The following GALNT18 variants were observed in gnomAD, a reference collection of about 807,000 sequenced individuals.
The protein encoded by GALNT18 is polypeptide N-acetylgalactosaminyltransferase 18.
GALNT18 carries 44 observed loss-of-function variants against 69.5 expected under a neutral mutation model. That is an observed-to-expected ratio of 0.63 (90% CI 0.50 to 0.81). The LOEUF (loss-of-function observed/expected upper bound fraction) is 0.81. Among genes scored for constraint, GALNT18 ranks in the 40% least tolerant of loss-of-function variants. GALNT18 has a pLI of 0.00. For missense variants in GALNT18, 715 were observed against 810.0 expected (o/e 0.88, Z 1.42); for synonymous variants, 364 against 318.2 (o/e 1.14, Z -1.53).
At chr11:11,293,269 C>T in intron 9 of GALNT18, 76 bp from the exon 10 acceptor site, 1 of 1,231,356 alleles carries the variant, frequency 8.1e-7, no homozygotes. Context: ...GGTGATTCTT[C>T]CAGGCAGCTG....
intron 3 of GALNT18, among the ~76,000 whole-genome samples, chr11:11,394,797 A>G (rs1184384930): frequency 6.6e-6 from 1 of 152,122 alleles, no homozygotes; most frequent in African/African-American, 2.4e-5. Context: ...CTGATTCTTG[A>G]TCCCTTCCTG....
At position 11,415,249 on chromosome 11, in the gene GALNT18, A is replaced by G. The variant is rs762666376; in HGVS notation, c.595+17372T>C. On this transcript the variant is annotated intron_variant, in intron 3 of 10. Coordinates refer to ENST00000227756, the MANE Select transcript of GALNT18 (RefSeq NM_198516.3). This position sits in a 1 kb window ranked among gnomAD's most constrained non-coding sequence, Gnocchi z 4.1. ...ATTGGGGACCTTAATTACGTCAGCC[A>G]ATTCCCCTCACAGCAGGACTCAGAT... Among the ~76,000 whole-genome samples, 9 of 152,162 alleles carry G rather than the reference A, an allele frequency of 5.9e-5. No homozygotes were observed. The highest frequency in any genetic ancestry group is 1.2e-4 in the Non-Finnish European group (8 of 68,034).
intron 6 of GALNT18, among the ~76,000 whole-genome samples, chr11:11,349,287 T>C (rs1456680206): frequency 1.3e-5 from 2 of 152,082 alleles, no homozygotes; most frequent in Non-Finnish European, 2.9e-5. Context: ...TGCACGAGAG[T>C]GGGCAGGCCT....
intron 1 of GALNT18, among the ~76,000 whole-genome samples, chr11:11,462,899 C>G (rs1856076987): frequency 6.6e-6 from 1 of 152,084 alleles, no homozygotes; most frequent in Admixed American, 6.5e-5. Flanking sequence ...GCAATCTGCT[C>G]AAAGAACAAG....
Position 11,432,917 on chromosome 11 carries a change from T to A in GALNT18, c.429-130A>T. 1.3e-6 allele frequency: 1 copy of A among 773,658 alleles called. No homozygotes were observed. The highest frequency in any genetic ancestry group is 1.8e-5 in the South Asian group (1 of 54,378). The allele number at this position is 773,658 out of a possible 1,614,324, so 47.9% of individuals were successfully genotyped here. A position where few individuals can be genotyped will look rare whatever the true frequency, so the allele number is the denominator to read the frequency against. ...TCCAGATTCTTCCAAGGGCCCCTTC[T>A]TTGATGCACTTAAGATGAGCCCTAA... On this transcript the variant is annotated intron_variant, in intron 2 of 10. Transcript: ENST00000227756. This position sits in a 1 kb window ranked among gnomAD's most constrained non-coding sequence, Gnocchi z 5.8.
rs146712144 is a variant in GALNT18 at position 11,613,127 on chromosome 11, G to A, written c.235+8232C>T. 6.0e-4 allele frequency among the ~76,000 whole-genome samples: 92 copies of A among 152,294 alleles called. No individual in the cohort carries two copies. Among genetic ancestry groups the A allele is most frequent in the African/African-American group, 2.1e-3 (89 of 41,560 alleles). ...CTCAGTACTGCATCCCCACTGGGAC[G>A]AACTGTCTAGCAACATATTTTAATC... On this transcript the variant is annotated intron_variant, in intron 1 of 10. Transcript: ENST00000227756. This position sits in a 1 kb window ranked among gnomAD's most constrained non-coding sequence, Gnocchi z 4.2.
At chr11:11,446,164 A>G (rs75263666) in intron 2 of GALNT18, among the ~76,000 whole-genome samples, 3,353 of 152,278 alleles carry the variant, frequency 0.022, 95 homozygotes, top group African/African-American at 0.07. Flanking sequence ...TCCGCTCTTC[A>G]GTTTCCTCAA....
At chr11:11,559,599 A>G (rs891818398) in intron 1 of GALNT18, among the ~76,000 whole-genome samples, 17 of 150,500 alleles carry the variant, frequency 1.1e-4, no homozygotes, top group African/African-American at 4.2e-4. Flanking sequence ...AGGATGGGAT[A>G]GGATGGGATG....
At chr11:11,566,149 G>A (rs533762397) in intron 1 of GALNT18, among the ~76,000 whole-genome samples, 14 of 152,278 alleles carry the variant, frequency 9.2e-5, no homozygotes, top group African/African-American at 3.4e-4. Flanking sequence ...ATTAGATACT[G>A]GATTACACAA....
rs938585613 is a variant in GALNT18, at chr11:11,621,046, C to T, written c.235+313G>A. Among the ~76,000 whole-genome samples the T allele has an allele frequency of 2.0e-5, 3 of 152,198 alleles. No individual in the cohort carries two copies. The highest frequency in any genetic ancestry group is 4.4e-5 in the Non-Finnish European group (3 of 68,026). The stretch of plus-strand genomic sequence containing the variant: ...GGACTTGTGTGCGATCCCGAGAGCC[C>T]GCGAGCAACCAGCCCAGAGTCACAC... On this transcript the variant is annotated intron_variant, in intron 1 of 10. Transcript: ENST00000227756. This position sits in a 1 kb window ranked among gnomAD's most constrained non-coding sequence, Gnocchi z 9.3.
At chr11:11,437,017 C>T (rs1010329268) in intron 2 of GALNT18, among the ~76,000 whole-genome samples, 7 of 152,240 alleles carry the variant, frequency 4.6e-5, no homozygotes, top group Non-Finnish European at 1.0e-4. Flanking sequence ...GCCACCCACA[C>T]ACTCTGCTCC....
intron 1 of GALNT18, among the ~76,000 whole-genome samples, chr11:11,477,511 C>T (rs567997741): frequency 6.6e-6 from 1 of 152,334 alleles, no homozygotes; most frequent in African/African-American, 2.4e-5. Context: ...GCCCTCCACA[C>T]CTTTCCTCTC....
chr11:11,344,785 G>A (rs902560115), intron 6 of GALNT18, among the ~76,000 whole-genome samples: 9 of 152,256 alleles, frequency 5.9e-5, no homozygotes, highest in East Asian at 1.9e-4. Context: ...AGGAAGCAAA[G>A]ACACCCTGAA....
Position 11,582,082 on chromosome 11 carries a change from G to A in GALNT18, c.235+39277C>T, listed in dbSNP as rs1859101590. Among the ~76,000 whole-genome samples, 1 of 152,040 alleles carries A rather than the reference G, an allele frequency of 6.6e-6. No individual in the cohort carries two copies. The highest frequency in any genetic ancestry group is 6.6e-5 in the Admixed American group (1 of 15,262). On this transcript the variant is annotated intron_variant, in intron 1 of 10. Coordinates refer to ENST00000227756, the MANE Select transcript of GALNT18 (RefSeq NM_198516.3). This position sits in a 1 kb window ranked among gnomAD's most constrained non-coding sequence, Gnocchi z 5.0. ...TTAGGAAAAACCAAGCAGAGGCAGT[G>A]GGAAAGAGTAGAATGGGCTGCTAGG...
Position 11,347,140 on chromosome 11 carries a change from C to T in GALNT18, c.1093-6136G>A, listed in dbSNP as rs993982973. Reference sequence around the variant, plus strand: ...GCCTCCTGCTCCCAAGCCTCAATTTCCCCCAGCTGCCAAATGGGGGAGCTG... The same window carrying T: ...GCCTCCTGCTCCCAAGCCTCAATTTTCCCCAGCTGCCAAATGGGGGAGCTG... On this transcript the variant is annotated intron_variant, in intron 6 of 10. Transcript: ENST00000227756. This position sits in a 1 kb window ranked among gnomAD's most constrained non-coding sequence, Gnocchi z 4.0. Among the ~76,000 whole-genome samples the T allele has an allele frequency of 3.3e-5, 5 of 152,120 alleles. No individual in the cohort carries two copies. Among genetic ancestry groups the T allele is most frequent in the African/African-American group, 1.2e-4 (5 of 41,418 alleles).
intron 10 of GALNT18, among the ~76,000 whole-genome samples, chr11:11,284,908 G>GTTTTTTTTTTTTTTT (rs58795517): frequency 1.2e-4 from 10 of 82,822 alleles, no homozygotes; most frequent in African/African-American, 2.4e-4. Context: ...AGACTTTCGT[G>GTTTTTTTTTTTTTTT]TTTTTTTTTT....
chr11:11,597,712 G>A (rs1859535249), intron 1 of GALNT18, among the ~76,000 whole-genome samples: 2 of 148,690 alleles, frequency 1.3e-5, no homozygotes, highest in Admixed American at 6.7e-5. Flanking sequence ...CCAGGCTAGA[G>A]TGCAGTGGAG....
chr11:11,307,769 C>T (rs1028283465), intron 9 of GALNT18, among the ~76,000 whole-genome samples: 2 of 152,174 alleles, frequency 1.3e-5, no homozygotes, highest in Admixed American at 1.3e-4. Flanking sequence ...TCACTACTCC[C>T]AGCCCTCTTT....
At chr11:11,352,184 C>T in intron 6 of GALNT18, 1 of 1,613,694 alleles carries the variant, frequency 6.2e-7, no homozygotes, top group South Asian at 1.1e-5. Flanking sequence ...TTGCAGTAAG[C>T]CGTGACTGGT....
Sources: gnomAD v4.1 joint callset for allele counts (sites outside exome capture counted in the v4.1 genomes callset) on GRCh38, gnomAD v4.1.1 for gene constraint, Gnocchi (gnomAD v3.1) non-coding constraint, MANE v1.5 for transcripts, NCBI Gene and HGNC (gene_info 2026-07-23, HGNC 2026-07-21) for gene names.